The following NPAS2 variants were observed in gnomAD, a reference collection of about 807,000 sequenced individuals.
The protein encoded by NPAS2 is neuronal PAS domain protein 2.
NPAS2 carries 23 observed loss-of-function variants against 107.5 expected under a neutral mutation model. The ratio of observed to expected loss-of-function variants is 0.21; its 90% CI spans 0.15 to 0.30. NPAS2 has a LOEUF of 0.30. Ranked by LOEUF, NPAS2 falls within the 10% of genes least tolerant of loss-of-function variation. NPAS2 has a pLI of 1.00. For missense variants in NPAS2, 756 were observed against 1,043.3 expected (o/e 0.72, Z 3.79); for synonymous variants, 403 against 417.5 (o/e 0.97, Z 0.42).
chr2:100,938,391 G>A (rs1207066629), intron 5 of NPAS2, among the ~76,000 whole-genome samples: 1 of 152,154 alleles, frequency 6.6e-6, no homozygotes, highest in Non-Finnish European at 1.5e-5. Context: ...GGAGTGAGGA[G>A]TGTCTGGGTG....
chr2:100,888,451 A>G (rs1400295744), intron 1 of NPAS2, among the ~76,000 whole-genome samples: 5 of 152,174 alleles, frequency 3.3e-5, no homozygotes, highest in African/African-American at 1.2e-4. Context: ...GGATGGGGCT[A>G]AAGTCACAGA....
intron 1 of NPAS2, among the ~76,000 whole-genome samples, chr2:100,903,621 C>G (rs1021142246): frequency 6.6e-6 from 1 of 152,188 alleles, no homozygotes; most frequent in African/African-American, 2.4e-5. Flanking sequence ...TTGGGAGTTC[C>G]GACTGAAGAC....
chr2:100,910,204 C>A (rs1209517823), intron 2 of NPAS2, among the ~76,000 whole-genome samples: 1 of 152,150 alleles, frequency 6.6e-6, no homozygotes, highest in Non-Finnish European at 1.5e-5. Context: ...AAAGGCTAAA[C>A]GTTTCTTTTT....
Position 100,979,496 on chromosome 2 carries a change from ATATATATTTTT to A in NPAS2, c.1482+1699_1482+1709del, listed in dbSNP as rs1488149774. ...TAATAATAACTATATATATATATAT[ATATATATTTTT>A]TTTTTTTTTTTTTTTTTTTTTCTGA... On this transcript the variant is annotated intron_variant, in intron 15 of 20. Transcript: ENST00000335681. 9.1e-3 allele frequency among the ~76,000 whole-genome samples: 550 copies of A among 60,438 alleles called. 1 individual carries two copies. The highest frequency in any genetic ancestry group is 0.029 in the East Asian group (35 of 1,220). 39.6% of individuals were successfully genotyped at this position (60,438 alleles called of 152,430 possible).
At chr2:100,973,062 C>G (rs192222249) in intron 12 of NPAS2, among the ~76,000 whole-genome samples, 122 of 152,124 alleles carry the variant, frequency 8.0e-4, no homozygotes, top group African/African-American at 2.7e-3. Flanking sequence ...ACCTGTAATC[C>G]CAGCTACTCA....
intron 2 of NPAS2, among the ~76,000 whole-genome samples, chr2:100,912,953 C>A (rs356655): frequency 6.6e-6 from 1 of 151,898 alleles, no homozygotes; most frequent in Non-Finnish European, 1.5e-5. Context: ...AACTGAGGAA[C>A]GTGTGGTTGG....
At chr2:100,984,431 C>T (rs1016947474) in intron 16 of NPAS2, 4 of 152,226 alleles carry the variant, frequency 2.6e-5, no homozygotes, top group African/African-American at 9.6e-5. Flanking sequence ...ATTGTTGAAG[C>T]CTAATGGTGA....
intron 5 of NPAS2, among the ~76,000 whole-genome samples, chr2:100,945,326 G>T (rs1280395453): frequency 6.6e-6 from 1 of 152,106 alleles, no homozygotes; most frequent in Non-Finnish European, 1.5e-5. Flanking sequence ...TTCCCAACGT[G>T]TCTTCCCCAT....
intron 15 of NPAS2, 65 bp from the exon 16 acceptor site, chr2:100,982,166 A>G: frequency 6.3e-7 from 1 of 1,577,828 alleles, no homozygotes; most frequent in Non-Finnish European, 8.7e-7. Context: ...GAGCAGCAGC[A>G]AGATCTGCCT....
intron 7 of NPAS2, among the ~76,000 whole-genome samples, chr2:100,956,102 C>T (rs1675552009): frequency 6.6e-6 from 1 of 152,156 alleles, no homozygotes; most frequent in Non-Finnish European, 1.5e-5. Flanking sequence ...GATGAGGTCT[C>T]ACTGTGTTTT....
rs1480050640 is a variant in NPAS2 at position 100,948,254 on chromosome 2, A to G, written c.383A>G (p.Asn128Ser). 1 of 1,613,196 alleles carries G rather than the reference A, an allele frequency of 6.2e-7. No homozygotes were observed. Among genetic ancestry groups the G allele is most frequent in the Non-Finnish European group, 8.5e-7 (1 of 1,179,806 alleles). The change falls in exon 6 of 21, where the codon AAT becomes AGT. Residue 128 changes from asparagine (N) to serine (S), a missense_variant. Transcript: ENST00000335681. ...GHLPSDVMDQ[N>S]LLNFLPEQEH... is the part of the protein sequence containing the mutation. ...TTTCAGTCGGATGTCATGGATCAGA[A>G]TTTGTTAAATTTCCTCCCAGAACAA...
intron 7 of NPAS2, among the ~76,000 whole-genome samples, chr2:100,951,228 C>G (rs750039477): frequency 1.6e-4 from 25 of 152,158 alleles, no homozygotes; most frequent in Non-Finnish European, 3.2e-4. Context: ...ACAACTTTAT[C>G]ATTGAGTTAA....
At chr2:100,926,999 C>T (rs557194471) in intron 3 of NPAS2, among the ~76,000 whole-genome samples, 3 of 144,380 alleles carry the variant, frequency 2.1e-5, no homozygotes, top group Non-Finnish European at 4.5e-5. Flanking sequence ...AGTGCAGCGG[C>T]GTGATCTAGG....
chr2:100,995,555 G>A lies in NPAS2; in HGVS notation c.2448G>A (p.Ser816=), dbSNP rs759095977. ...PPRRVSSLSE[S]SGLQQPPR Reference sequence around the variant, plus strand: ...GAAGGGTCAGCAGTCTGTCTGAGTCGTCAGGCCTCCAGCAGCCGCCCCGAT... The same window carrying A: ...GAAGGGTCAGCAGTCTGTCTGAGTCATCAGGCCTCCAGCAGCCGCCCCGAT... The change falls in exon 21 of 21, where the codon TCG becomes TCA. Residue 816 remains serine, a synonymous_variant. Coordinates refer to ENST00000335681, the MANE Select transcript of NPAS2 (RefSeq NM_002518.4). 50 of 1,608,722 alleles carry A rather than the reference G, an allele frequency of 3.1e-5. No homozygotes were observed. Among genetic ancestry groups the A allele is most frequent in the Middle Eastern group, 1.7e-4 (1 of 6,042 alleles).
intron 4 of NPAS2, among the ~76,000 whole-genome samples, chr2:100,936,834 T>G (rs1015376021): frequency 6.6e-6 from 1 of 151,724 alleles, no homozygotes; most frequent in African/African-American, 2.4e-5. Flanking sequence ...ATACAAAAAT[T>G]AGCTGGGCCT....
Position 100,925,254 on chromosome 2 carries a change from C to T in NPAS2, c.141C>T (p.Thr47=), listed in dbSNP as rs774908891. ...ACACGCGGAAAATGGACAAAACCAC[C>T]GTGTTGGAAAAGGTCATCGGATTTT... ...PGNTRKMDKT[T]VLEKVIGFLQ... Residue 47 remains threonine (T), a synonymous_variant, in exon 3 of 21, where the codon ACC becomes ACT. Coordinates refer to ENST00000335681, the MANE Select transcript of NPAS2 (RefSeq NM_002518.4). The T allele has an allele frequency of 5.3e-5, 86 of 1,613,964 alleles. No homozygotes were observed. Among genetic ancestry groups the T allele is most frequent in the Middle Eastern group, 4.9e-4 (3 of 6,078 alleles).
At chr2:100,928,407 G>A (rs1683717582) in intron 3 of NPAS2, among the ~76,000 whole-genome samples, 1 of 151,896 alleles carries the variant, frequency 6.6e-6, no homozygotes, top group Non-Finnish European at 1.5e-5. Flanking sequence ...CAGGACAGCT[G>A]TTAAATAGGA....
At chr2:100,941,555 C>G (rs2105000877) in intron 5 of NPAS2, among the ~76,000 whole-genome samples, 2 of 151,828 alleles carry the variant, frequency 1.3e-5, no homozygotes, top group South Asian at 4.2e-4. Context: ...AGAGTGAGAC[C>G]TGGCTCAAAA....
At position 100,988,179 on chromosome 2, in the gene NPAS2, C is replaced by T; in HGVS notation, c.1730C>T (p.Pro577Leu). The T allele has an allele frequency of 2.5e-6, 4 of 1,614,206 alleles. No individual in the cohort carries two copies. The highest frequency in any genetic ancestry group is 3.4e-6 in the Non-Finnish European group (4 of 1,180,024). The change falls in exon 17 of 21, where the codon CCC becomes CTC. Residue 577 changes from proline to leucine, a missense_variant. By Grantham distance (98) the Pro-to-Leu change is moderately conservative. Around this residue, in one of 4 missense-constraint regions of NPAS2, gnomAD observed 496 missense variants for 594.4 expected, o/e 0.83. Transcript: ENST00000335681. ...CAAAGGTCAGCTGCAGTGACTCAGC[C>T]CCAGCTCGGGGCGGGCCCCCAACTT... Reference protein sequence around the residue: ...LQQRSAAVTQPQLGAGPQLPG... With the variant: ...LQQRSAAVTQLQLGAGPQLPG...
Sources: allele counts gnomAD v4.1 joint callset (sites outside exome capture counted in the v4.1 genomes callset), GRCh38; gene constraint gnomAD v4.1.1; regional missense constraint gnomAD v4.1.1; transcripts MANE v1.5; gene names NCBI Gene and HGNC (gene_info 2026-07-23, HGNC 2026-07-21).